Variants in LY6H observed in about 807,000 individuals in gnomAD.
The protein encoded by LY6H is lymphocyte antigen 6H.
Under a neutral mutation model 14.6 loss-of-function variants are expected in LY6H, and 8 were observed. That is an observed-to-expected ratio of 0.55 (90% CI 0.32 to 0.99). The LOEUF (loss-of-function observed/expected upper bound fraction) is 0.99, where lower values mean the gene tolerates loss of function less well. Ranked by LOEUF, LY6H falls within the 50% of genes least tolerant of loss-of-function variation. The probability of loss-of-function intolerance (pLI) is 0.04; values close to 1 mark genes in which losing one functional copy is unlikely to be tolerated. For synonymous variants in LY6H, 115 were observed against 97.2 expected, an observed-to-expected ratio of 1.18 and a Z score of -1.08; for missense variants, 196 against 219.6, an observed-to-expected ratio of 0.89 and a Z score of 0.68.
At position 143,158,001 on chromosome 8, in the gene LY6H, G is replaced by C; in HGVS notation, c.*249C>G. 4 of 464,796 alleles carry C rather than the reference G, an allele frequency of 8.6e-6. No individual in the cohort carries two copies. The highest frequency in any genetic ancestry group is 1.5e-5 in the Non-Finnish European group (4 of 266,340). The allele number at this position is 464,796 out of a possible 1,614,324, so 28.8% of individuals were successfully genotyped here. A position where few individuals can be genotyped will look rare whatever the true frequency, so the allele number is the denominator to read the frequency against. On this transcript the variant is annotated 3_prime_UTR_variant, in exon 4 of 4. Transcript: ENST00000342752. ...TTCACTTCCCCTCCGGGACCTGGGG[G>C]TCCCCCCCCACCCTCATCCCCAGGC...
At chr8:143,159,030 C>T (rs781328552) in intron 2 of LY6H, 108 bp from the exon 3 acceptor site, 3 of 1,461,074 alleles carry the variant, frequency 2.1e-6, no homozygotes, top group Admixed American at 2.0e-5. Flanking sequence ...TGGGAGAGCC[C>T]GACCCCACGG....
At chr8:143,159,113 T>C in intron 2 of LY6H, 191 bp from the exon 3 acceptor site, 2 of 746,322 alleles carry the variant, frequency 2.7e-6, no homozygotes, top group Admixed American at 2.3e-5. Flanking sequence ...TCCTGGCAGT[T>C]TGAGGGGAGC....
Position 143,158,896 on chromosome 8 carries a change from T to C in LY6H, c.157A>G (p.Thr53Ala), listed in dbSNP as rs1279818953. The change falls in exon 3 of 4, where the codon ACC becomes GCC. Residue 53 changes from threonine to alanine, a missense_variant. Coordinates refer to ENST00000342752, the MANE Select transcript of LY6H (RefSeq NM_001135655.2). ...PAHGLWCQDC[T>A]LTTNSSHCTP... ...CAATGGCTGGAGTTGGTGGTCAGGG[T>C]GCAGTCCTGGCACCACAGGCCATGA... The C allele has an allele frequency of 6.2e-7, 1 of 1,613,642 alleles. No homozygotes were observed. Among genetic ancestry groups the C allele is most frequent in the East Asian group, 2.2e-5 (1 of 44,874 alleles).
Position 143,158,457 on chromosome 8 carries a change from C to T in LY6H, c.279G>A (p.Met93Ile), listed in dbSNP as rs776266508. 1.2e-6 allele frequency: 2 copies of T among 1,613,862 alleles called. No individual in the cohort carries two copies. Among genetic ancestry groups the T allele is most frequent in the Admixed American group, 1.7e-5 (1 of 60,032 alleles). Residue 93 changes from methionine to isoleucine, a missense_variant, in exon 4 of 4, where the codon ATG (methionine) becomes ATA (isoleucine). Met to Ile is a conservative substitution (Grantham distance 10, BLOSUM62 1). Coordinates refer to ENST00000342752, the MANE Select transcript of LY6H (RefSeq NM_001135655.2). ...TAACGAAGTCACAGGAGGAGGCACA[C>T]ATCTTGTTCACCGAGTGATCCTTCC... Reference protein sequence around the residue: ...SSRKDHSVNKMCASSCDFVKR... With the variant: ...SSRKDHSVNKICASSCDFVKR...
chr8:143,158,122 G>A lies in LY6H; in HGVS notation c.*128C>T, dbSNP rs1443757940. The A allele has an allele frequency of 1.6e-6, 1 of 634,040 alleles. No individual in the cohort carries two copies. The highest frequency in any genetic ancestry group is 2.8e-6 in the Non-Finnish European group (1 of 363,498). 39.3% of individuals were successfully genotyped at this position (634,040 alleles called of 1,614,324 possible). On this transcript the variant is annotated 3_prime_UTR_variant, in exon 4 of 4. Coordinates refer to ENST00000342752, the MANE Select transcript of LY6H (RefSeq NM_001135655.2). ...GGAGGCTTCACGTCGGGGGAGGAGT[G>A]AGAGCCACAGGCCACAGCCACGGAG...
chr8:143,159,552 C>G (rs1392883624), intron 2 of LY6H, 30 bp downstream of exon 2: 2 of 1,489,464 alleles, frequency 1.3e-6, no homozygotes, highest in African/African-American at 1.5e-5. Context: ...CTCCCAGGCA[C>G]CTGACCCAGC....
At position 143,158,090 on chromosome 8, in the gene LY6H, G is replaced by C; in HGVS notation, c.*160C>G. The stretch of plus-strand genomic sequence containing the variant: ...CTGCCTGGGACTCAGAGCTGGCGGA[G>C]AGACAGGGAGGCTTCACGTCGGGGG... On this transcript the variant is annotated 3_prime_UTR_variant, in exon 4 of 4. Transcript: ENST00000342752. The C allele has an allele frequency of 8.4e-6, 5 of 593,902 alleles. No homozygotes were observed. The highest frequency in any genetic ancestry group is 1.5e-5 in the Non-Finnish European group (5 of 335,668). The allele number at this position is 593,902 out of a possible 1,614,324, so 36.8% of individuals were successfully genotyped here. A position where few individuals can be genotyped will look rare whatever the true frequency, so the allele number is the denominator to read the frequency against.
rs1443894758 is a variant in LY6H at position 143,158,253 on chromosome 8, G to A, written c.483C>T (p.Pro161=). ...GCCCCGTGGGAAGGAGGAGACATCAGGGCCCAGCCCAGAGGAGGGCAGGCC... is the reference window on the plus strand; with the variant it reads ...GCCCCGTGGGAAGGAGGAGACATCAAGGCCCAGCCCAGAGGAGGGCAGGCC... ...SLGPALLWAG[P] The change falls in exon 4 of 4, where the codon CCC becomes CCT. Residue 161 remains proline (P), a synonymous_variant. Transcript: ENST00000342752. 3.7e-6 allele frequency: 6 copies of A among 1,608,404 alleles called. No homozygotes were observed. Among genetic ancestry groups the A allele is most frequent in the South Asian group, 1.1e-5 (1 of 90,806 alleles).
At chr8:143,159,077 A>T in intron 2 of LY6H, 155 bp from the exon 3 acceptor site, 1 of 1,067,060 alleles carries the variant, frequency 9.4e-7, no homozygotes, top group Non-Finnish European at 1.4e-6. Context: ...GAGGGGGAGC[A>T]GAGGCCCTGG....
intron 2 of LY6H, chr8:143,159,243 T>TATCC: frequency 1.9e-6 from 1 of 534,150 alleles, no homozygotes; most frequent in South Asian, 2.4e-5. Flanking sequence ...CCGCCTCACA[T>TATCC]ATCCCCCCCA....
Position 143,159,974 on chromosome 8 carries a change from C to T in LY6H, c.2+224G>A, listed in dbSNP as rs535156245. On this transcript the variant is annotated intron_variant, in intron 1 of 3. Coordinates refer to ENST00000342752, the MANE Select transcript of LY6H (RefSeq NM_001135655.2). ...CGGATGGGGGGCGTCCTCTTCTCCC[C>T]GGGGAGCTGCAGGTGCGTCCGGACA... The T allele has an allele frequency of 4.1e-6, 5 of 1,226,858 alleles. No individual in the cohort carries two copies. In the East Asian group the frequency reaches 9.7e-5, roughly 24 times the overall value. 76.0% of individuals were successfully genotyped at this position (1,226,858 alleles called of 1,614,324 possible). A position where few individuals can be genotyped will look rare whatever the true frequency, so the allele number is the denominator to read the frequency against.
intron 3 of LY6H, 138 bp downstream of exon 3, chr8:143,158,665 G>T: frequency 7.9e-7 from 1 of 1,262,112 alleles, no homozygotes; most frequent in Non-Finnish European, 1.1e-6. Context: ...AGCCAGGGGG[G>T]GACAGCAGGA....
chr8:143,160,039 C>G (rs1189550000), intron 1 of LY6H, 159 bp downstream of exon 1: 1 of 1,055,492 alleles, frequency 9.5e-7, no homozygotes, highest in Non-Finnish European at 1.2e-6. Flanking sequence ...GGACCTGCCA[C>G]TGGGGGGAGG....
intron 2 of LY6H, 126 bp from the exon 3 acceptor site, chr8:143,159,048 C>A: frequency 7.4e-7 from 1 of 1,347,028 alleles, no homozygotes. Flanking sequence ...CGGGAGGGAG[C>A]AGGCCCCCAT....
Position 143,158,400 on chromosome 8 carries a change from C to A in LY6H, c.336G>T (p.Gly112=). The part of the protein sequence containing the change: ...KRHFFSDYLM[G]FINSGILKVD... ...CCTTTAAGATCCCAGAGTTAATAAACCCCATCAGATAGTCTGAGAAAAAGT... is the reference window on the plus strand; with the variant it reads ...CCTTTAAGATCCCAGAGTTAATAAAACCCATCAGATAGTCTGAGAAAAAGT... The change falls in exon 4 of 4, where the codon GGG becomes GGT. Residue 112 remains glycine, a synonymous_variant. Coordinates refer to ENST00000342752, the MANE Select transcript of LY6H (RefSeq NM_001135655.2). 2 of 1,613,970 alleles carry A rather than the reference C, an allele frequency of 1.2e-6. No homozygotes were observed. The highest frequency in any genetic ancestry group is 1.1e-5 in the South Asian group (1 of 91,086).
At chr8:143,160,107 G>T in intron 1 of LY6H, 91 bp downstream of exon 1, 1 of 1,106,462 alleles carries the variant, frequency 9.0e-7, no homozygotes, top group African/African-American at 1.6e-5. Context: ...ACCCCGGGCC[G>T]AGTCCCCTCC....
chr8:143,158,493 G>T lies in LY6H; in HGVS notation c.251-8C>A. ...CCGAGTGATCCTTCCTGCCTGGGAAGAGAAAGCGTGGCCTGGGACGGGGGC... is the reference window on the plus strand; with the variant it reads ...CCGAGTGATCCTTCCTGCCTGGGAATAGAAAGCGTGGCCTGGGACGGGGGC... On this transcript the variant is annotated splice_region_variant and splice_polypyrimidine_tract_variant and intron_variant, in intron 3 of 3. Transcript: ENST00000342752. 6.2e-7 allele frequency: 1 copy of T among 1,604,922 alleles called. No homozygotes were observed. Among genetic ancestry groups the T allele is most frequent in the Non-Finnish European group, 8.5e-7 (1 of 1,171,970 alleles).
Position 143,157,938 on chromosome 8 carries a change from T to C in LY6H, c.*312A>G, listed in dbSNP as rs898391201. The C allele has an allele frequency of 5.1e-6, 2 of 388,698 alleles. No individual in the cohort carries two copies. Among genetic ancestry groups the C allele is most frequent in the Non-Finnish European group, 4.6e-6 (1 of 218,848 alleles). 24.1% of individuals were successfully genotyped at this position (388,698 alleles called of 1,614,324 possible). ...GTCTCAGGACTCAAAAGTGACTTTA[T>C]TTCTCCGCAGAAGACGCCCTTCCAG... On this transcript the variant is annotated 3_prime_UTR_variant, in exon 4 of 4. Coordinates refer to ENST00000342752, the MANE Select transcript of LY6H (RefSeq NM_001135655.2).
In LY6H at chr8:143,159,583, G is replaced by T; in HGVS notation, c.129C>A (p.Pro43=). Residue 43 remains proline (P), a splice_region_variant and synonymous_variant, in exon 2 of 4, where the codon CCC becomes CCA. Transcript: ENST00000342752. The part of the protein sequence containing the change: ...ALLAVLLCSA[P]AHGLWCQDCT... The stretch of plus-strand genomic sequence containing the variant: ...CCAGCCCGCGGGCCCCCTACTCACC[G>T]GGCGCCGAGCACAGCAGGACGGCCA... The T allele has an allele frequency of 6.7e-7, 1 of 1,500,884 alleles. No individual in the cohort carries two copies. The highest frequency in any genetic ancestry group is 8.8e-7 in the Non-Finnish European group (1 of 1,132,926). 93.0% of individuals were successfully genotyped at this position (1,500,884 alleles called of 1,614,324 possible).
Sources: gnomAD v4.1 joint callset for allele counts on GRCh38, gnomAD v4.1.1 for gene constraint, MANE v1.5 for transcripts, NCBI Gene and HGNC (gene_info 2026-07-23, HGNC 2026-07-21) for gene names.